Variants in OPCML observed in about 807,000 individuals in gnomAD.
OPCML encodes opioid-binding protein/cell adhesion molecule.
OPCML carries 13 observed loss-of-function variants against 37.8 expected under a neutral mutation model. The observed-to-expected ratio is 0.34, with a 90% confidence interval of 0.22 to 0.55. The LOEUF is 0.55. Ranked by LOEUF, OPCML falls within the 20% of genes least tolerant of loss-of-function variation. The pLI, the probability that OPCML is intolerant of heterozygous loss-of-function variation, is 0.91. For synonymous variants in OPCML, 176 were observed against 168.8 expected, an observed-to-expected ratio of 1.04 and a Z score of -0.33; for missense variants, 341 against 435.6, an observed-to-expected ratio of 0.78 and a Z score of 1.93.
intron 3 of OPCML, among the ~76,000 whole-genome samples, chr11:132,561,495 G>T (rs187421161): frequency 1.1e-3 from 168 of 152,292 alleles, no homozygotes; most frequent in African/African-American, 3.9e-3. Context: ...CTCAGTGTGG[G>T]CTCCTTGACG....
At chr11:132,907,739 C>T (rs1417166003) in intron 2 of OPCML, among the ~76,000 whole-genome samples, 1 of 152,116 alleles carries the variant, frequency 6.6e-6, no homozygotes, top group African/African-American at 2.4e-5. Context: ...TCTCTAAGTC[C>T]AGTAGAATAA....
chr11:132,479,188 A>G (rs2096168586), intron 4 of OPCML, among the ~76,000 whole-genome samples: 1 of 152,178 alleles, frequency 6.6e-6, no homozygotes, highest in Non-Finnish European at 1.5e-5. Context: ...GAGCCAAAAA[A>G]GGGCGAGGCA....
chr11:132,819,918 A>G (rs1467484821), intron 2 of OPCML, among the ~76,000 whole-genome samples: 1 of 152,078 alleles, frequency 6.6e-6, no homozygotes, highest in Non-Finnish European at 1.5e-5. Context: ...GGCTTCCTTT[A>G]ATGATGTGCC....
chr11:133,192,844 A>T (rs190854953), intron 1 of OPCML, among the ~76,000 whole-genome samples: 1 of 151,564 alleles, frequency 6.6e-6, no homozygotes, highest in African/African-American at 2.4e-5. Context: ...CAACAGCATT[A>T]GTTGCTTCGT....
At chr11:132,822,703 G>A (rs371006102) in intron 2 of OPCML, among the ~76,000 whole-genome samples, 2 of 152,194 alleles carry the variant, frequency 1.3e-5, no homozygotes, top group East Asian at 1.9e-4. Flanking sequence ...CTTGTGATAT[G>A]CAGCTGAGAT....
intron 2 of OPCML, among the ~76,000 whole-genome samples, chr11:132,753,116 C>A (rs1381806973): frequency 6.6e-6 from 1 of 152,074 alleles, no homozygotes; most frequent in Non-Finnish European, 1.5e-5. Flanking sequence ...ACTCTGGCCC[C>A]ACAAGCCCTC....
intron 3 of OPCML, among the ~76,000 whole-genome samples, chr11:132,574,735 C>T (rs773775173): frequency 1.3e-5 from 2 of 151,864 alleles, no homozygotes; most frequent in Non-Finnish European, 2.9e-5. Flanking sequence ...CACGTATCTA[C>T]TGTTGTTGGA....
chr11:132,515,823 C>T (rs1244094875), intron 4 of OPCML, among the ~76,000 whole-genome samples: 1 of 152,086 alleles, frequency 6.6e-6, no homozygotes, highest in Non-Finnish European at 1.5e-5. Flanking sequence ...AGCTAAGACC[C>T]AGCATAGTTG....
At chr11:133,094,904 C>T (rs980674585) in intron 1 of OPCML, among the ~76,000 whole-genome samples, 4 of 152,022 alleles carry the variant, frequency 2.6e-5, no homozygotes, top group Admixed American at 2.6e-4. Flanking sequence ...TAAAATTTTA[C>T]CCCAGTGATG....
chr11:132,612,349 A>C (rs1469331972), intron 3 of OPCML, among the ~76,000 whole-genome samples: 1 of 152,192 alleles, frequency 6.6e-6, no homozygotes, highest in Non-Finnish European at 1.5e-5. Flanking sequence ...TAAATAACTG[A>C]TATTATAGAT....
At chr11:132,677,622 A>C (rs1273469937) in intron 2 of OPCML, among the ~76,000 whole-genome samples, 1 of 152,174 alleles carries the variant, frequency 6.6e-6, no homozygotes, top group Non-Finnish European at 1.5e-5. Context: ...GAGTCTACTG[A>C]TCTTTTACAA....
intron 2 of OPCML, among the ~76,000 whole-genome samples, chr11:132,824,218 T>A (rs185325050): frequency 6.6e-6 from 1 of 152,358 alleles, no homozygotes; most frequent in African/African-American, 2.4e-5. Context: ...TCTCTGGCTT[T>A]CTTTCTCTCA....
chr11:132,534,622 G>A (rs1469385755), intron 3 of OPCML, among the ~76,000 whole-genome samples: 1 of 152,174 alleles, frequency 6.6e-6, no homozygotes, highest in African/African-American at 2.4e-5. Flanking sequence ...TGATGTGGTG[G>A]AAACGGAAGT....
chr11:133,129,958 T>G (rs950436368), intron 1 of OPCML, among the ~76,000 whole-genome samples: 1 of 151,854 alleles, frequency 6.6e-6, no homozygotes, highest in Non-Finnish European at 1.5e-5. Flanking sequence ...AAAATATGAT[T>G]CATATTGAAA....
intron 2 of OPCML, among the ~76,000 whole-genome samples, chr11:132,761,539 G>A (rs769178834): frequency 5.3e-5 from 8 of 151,620 alleles, no homozygotes; most frequent in Non-Finnish European, 7.4e-5. Flanking sequence ...TTGTCTTAAC[G>A]CTTTATTTCA....
chr11:133,083,498 C>A (rs1948773339), intron 1 of OPCML, among the ~76,000 whole-genome samples: 1 of 152,204 alleles, frequency 6.6e-6, no homozygotes, highest in Non-Finnish European at 1.5e-5. Context: ...CCGGAAGGCT[C>A]GGCCCATGCA....
chr11:133,361,589 T>C (rs1056583884), intron 1 of OPCML: 1 of 161,574 alleles, frequency 6.2e-6, no homozygotes, highest in South Asian at 1.3e-4. Flanking sequence ...CTGCAGCTAT[T>C]CCGGGGCACC....
intron 1 of OPCML, among the ~76,000 whole-genome samples, chr11:133,187,161 C>T (rs921920037): frequency 2.6e-5 from 4 of 152,162 alleles, no homozygotes; most frequent in African/African-American, 9.7e-5. Context: ...GGGAGACCAT[C>T]AGGAAGGGAC....
At chr11:133,015,171 AATAG>A (rs1190094662) in intron 1 of OPCML, among the ~76,000 whole-genome samples, 12 of 152,288 alleles carry the variant, frequency 7.9e-5, no homozygotes, top group South Asian at 4.1e-4. Context: ...CAGGTTGGAA[AATAG>A]ATTGATTGAT....
Sources: gnomAD v4.1 joint callset for allele counts (sites outside exome capture counted in the v4.1 genomes callset) on GRCh38, gnomAD v4.1.1 for gene constraint, MANE v1.5 for transcripts, NCBI Gene and HGNC (gene_info 2026-07-23, HGNC 2026-07-21) for gene names.